DLGAP1: variants seen among roughly 807,000 people sequenced by gnomAD.
DLGAP1 encodes disks large-associated protein 1.
DLGAP1 carries 11 observed loss-of-function variants against 90.8 expected under a neutral mutation model. That is an observed-to-expected ratio of 0.12 (90% CI 0.08 to 0.20). The LOEUF is 0.20. Ranked by LOEUF, DLGAP1 falls within the 10% of genes least tolerant of loss-of-function variation. DLGAP1 has a pLI of 1.00. For synonymous variants in DLGAP1, 558 were observed against 540.7 expected (o/e 1.03, Z -0.44); for missense variants, 1,050 against 1,333.8 (o/e 0.79, Z 3.31).
At chr18:3,898,908 T>TTAAAGTAAAGTAAAGTAAAGTAAAG (rs113841351) in intron 3 of DLGAP1, among the ~76,000 whole-genome samples, 1 of 151,950 alleles carries the variant, frequency 6.6e-6, no homozygotes, top group African/African-American at 2.4e-5. Flanking sequence ...GATAGGCCAT[T>TTAAAGTAAAGTAAAGTAAAGTAAAG]TAAAGTAAAG....
chr18:3,708,437 CA>C (rs1711988677), intron 7 of DLGAP1: 1 of 456,624 alleles, frequency 2.2e-6, no homozygotes, highest in Admixed American at 2.3e-5. Flanking sequence ...TGAGTGGTAT[CA>C]GGGGTGGAGG....
chr18:4,318,629 T>G (rs1179299046), intron 1 of DLGAP1, among the ~76,000 whole-genome samples: 2 of 152,166 alleles, frequency 1.3e-5, no homozygotes, highest in Non-Finnish European at 2.9e-5. Flanking sequence ...AAATCAGGGA[T>G]AGCAAGGTCT....
chr18:3,514,436 C>G (rs1438608330), intron 10 of DLGAP1, among the ~76,000 whole-genome samples: 4 of 152,208 alleles, frequency 2.6e-5, no homozygotes, highest in Non-Finnish European at 5.9e-5. Flanking sequence ...TGGATTACCT[C>G]TGACTGGCTC....
At chr18:3,843,846 A>C (rs1357107270) in intron 4 of DLGAP1, among the ~76,000 whole-genome samples, 4 of 152,218 alleles carry the variant, frequency 2.6e-5, no homozygotes, top group African/African-American at 9.6e-5. Flanking sequence ...TTGATGACTT[A>C]GTAAATTACA....
chr18:3,604,933 C>A (rs2057257648), intron 7 of DLGAP1, among the ~76,000 whole-genome samples: 1 of 152,186 alleles, frequency 6.6e-6, no homozygotes, highest in Non-Finnish European at 1.5e-5. Flanking sequence ...TGTGTACATA[C>A]TGGGCAACAG....
At chr18:3,553,381 G>A (rs1304760315) in intron 9 of DLGAP1, among the ~76,000 whole-genome samples, 5 of 151,988 alleles carry the variant, frequency 3.3e-5, no homozygotes, top group African/African-American at 4.8e-5. Context: ...GATTATGGGC[G>A]ACTTTATTTT....
intron 7 of DLGAP1, among the ~76,000 whole-genome samples, chr18:3,624,358 C>T (rs776249472): frequency 6.6e-5 from 10 of 152,228 alleles, no homozygotes; most frequent in African/African-American, 2.4e-4. Context: ...CGCCCTGGGC[C>T]GCTGTCCCCT....
intron 7 of DLGAP1, among the ~76,000 whole-genome samples, chr18:3,659,445 A>ACCCCCCCC (rs61527537): frequency 5.9e-4 from 62 of 105,234 alleles, no homozygotes; most frequent in African/African-American, 1.9e-3. Flanking sequence ...GGATGCTACC[A>ACCCCCCCC]CCCCCCGCCG....
chr18:3,657,030 GCCA>G (rs1324126805), intron 7 of DLGAP1, among the ~76,000 whole-genome samples: 2 of 152,210 alleles, frequency 1.3e-5, no homozygotes, highest in Non-Finnish European at 2.9e-5. Flanking sequence ...ACAGGCGTGA[GCCA>G]CCACATTTGG....
At chr18:4,230,840 TTA>T (rs1376637296) in intron 1 of DLGAP1, among the ~76,000 whole-genome samples, 4 of 151,596 alleles carry the variant, frequency 2.6e-5, no homozygotes, top group Non-Finnish European at 5.9e-5. Context: ...CCTGATGTGA[TTA>T]TTACTCATTG....
At chr18:3,688,899 C>T (rs1489399372) in intron 7 of DLGAP1, among the ~76,000 whole-genome samples, 1 of 152,148 alleles carries the variant, frequency 6.6e-6, no homozygotes, top group Non-Finnish European at 1.5e-5. Context: ...ACTGCAGGGA[C>T]ATGTTAATAA....
intron 1 of DLGAP1, among the ~76,000 whole-genome samples, chr18:4,420,124 T>G (rs1360749820): frequency 2.0e-5 from 3 of 151,968 alleles, no homozygotes; most frequent in Non-Finnish European, 4.4e-5. Context: ...GCAAAAAGAG[T>G]CAATTCTCTA....
chr18:3,961,399 C>T (rs1440239518), intron 3 of DLGAP1, among the ~76,000 whole-genome samples: 3 of 152,146 alleles, frequency 2.0e-5, no homozygotes, highest in African/African-American at 7.2e-5. Flanking sequence ...GTACTGAATT[C>T]TCTCCCTCCT....
At chr18:3,929,007 G>C (rs528304645) in intron 3 of DLGAP1, among the ~76,000 whole-genome samples, 35 of 152,214 alleles carry the variant, frequency 2.3e-4, no homozygotes, top group Middle Eastern at 3.4e-3. Context: ...CCTTTGCTCT[G>C]TCTTCCTCCT....
chr18:3,814,212 C>G lies in DLGAP1; in HGVS notation c.1019G>C (p.Arg340Pro). 6.2e-7 allele frequency: 1 copy of G among 1,614,136 alleles called. No homozygotes were observed. The highest frequency in any genetic ancestry group is 8.5e-7 in the Non-Finnish European group (1 of 1,180,032). ...GATATAACTGCCACTCCGCATTCTT[C>G]GGCATGGAATTTCATCATCTTTACC... ...PRGKDDEIPC[R>P]RMRSGSYIKA... Residue 340 changes from arginine to proline, a missense_variant, in exon 5 of 13, where the codon CGA becomes CCA. This residue lies in a region of DLGAP1 where 565 missense variants were observed against 879.7 expected (regional missense o/e 0.64). Coordinates refer to ENST00000315677, the MANE Select transcript of DLGAP1 (RefSeq NM_004746.4).
In DLGAP1 at chr18:4,091,891, G is replaced by GT. The variant is rs68148153; in HGVS notation, c.-159+59288dup. On this transcript the variant is annotated intron_variant, in intron 2 of 12. Coordinates refer to ENST00000315677, the MANE Select transcript of DLGAP1 (RefSeq NM_004746.4). ...GTTGATAATTTTGCCTCTTGATCAT[G>GT]TTTTTTTTTTTCCACATGCTTTTTT... Among the ~76,000 whole-genome samples the GT allele has an allele frequency of 2.4e-3, 364 of 149,300 alleles. 1 individual carries two copies. The highest frequency in any genetic ancestry group is 3.8e-3 in the East Asian group (19 of 5,038).
intron 2 of DLGAP1, among the ~76,000 whole-genome samples, chr18:4,080,688 T>TGCTA (rs978639904): frequency 1.3e-5 from 2 of 152,198 alleles, no homozygotes; most frequent in African/African-American, 4.8e-5. Flanking sequence ...AGACCCCCTT[T>TGCTA]GCTAGCCAGG....
intron 1 of DLGAP1, among the ~76,000 whole-genome samples, chr18:4,218,877 T>G (rs2144950988): frequency 6.6e-6 from 1 of 151,682 alleles, no homozygotes; most frequent in East Asian, 1.9e-4. Context: ...ATTAACCCAC[T>G]GATTGACACT....
chr18:3,809,355 T>C (rs1291639324), intron 5 of DLGAP1, among the ~76,000 whole-genome samples: 1 of 152,174 alleles, frequency 6.6e-6, no homozygotes, highest in Non-Finnish European at 1.5e-5. Flanking sequence ...TACTTAGTAT[T>C]TTTCCAAATT....
Sources: gnomAD v4.1 joint callset for allele counts (sites outside exome capture counted in the v4.1 genomes callset) on GRCh38, gnomAD v4.1.1 for gene constraint, gnomAD v4.1.1 regional missense constraint, MANE v1.5 for transcripts, NCBI Gene and HGNC (gene_info 2026-07-23, HGNC 2026-07-21) for gene names.